Variants in MYO1G observed in about 807,000 individuals in gnomAD.
MYO1G encodes myosin IG, also known as unconventional myosin-Ig.
Under a neutral mutation model 115.3 loss-of-function variants are expected in MYO1G, and 65 were observed. The ratio of observed to expected loss-of-function variants is 0.56; its 90% CI spans 0.46 to 0.69. MYO1G has a LOEUF of 0.69. Among genes scored for constraint, MYO1G ranks in the 30% least tolerant of loss-of-function variants. The pLI is 0.00. For synonymous variants in MYO1G, 510 were observed against 552.6 expected (o/e 0.92, Z 1.08); for missense variants, 1,204 against 1,393.5 (o/e 0.86, Z 2.16).
chr7:44,976,779 G>A, intron 2 of MYO1G, 84 bp downstream of exon 2: 2 of 1,578,636 alleles, frequency 1.3e-6, no homozygotes, highest in Admixed American at 1.7e-5. Context: ...CAGGACACAG[G>A]GCACAGGAGA....
chr7:44,975,826 G>A (rs1583796443), intron 3 of MYO1G, among the ~76,000 whole-genome samples, 177 bp from the exon 4 acceptor site: 2 of 152,172 alleles, frequency 1.3e-5, no homozygotes, highest in Non-Finnish European at 2.9e-5. Context: ...GTTGTGTGAC[G>A]GTCACTTCAC....
chr7:44,975,684 G>C (rs1234136855), intron 3 of MYO1G, 35 bp from the exon 4 acceptor site: 2 of 1,546,386 alleles, frequency 1.3e-6, no homozygotes, highest in Non-Finnish European at 1.8e-6. Flanking sequence ...TTAAGGCAAA[G>C]ACTTCCCATC....
intron 5 of MYO1G, chr7:44,973,173 G>A (rs1794990237): frequency 6.6e-6 from 1 of 151,830 alleles, no homozygotes; most frequent in African/African-American, 2.4e-5. Flanking sequence ...CTCAGAGTCT[G>A]CGTGGACACT....
chr7:44,970,185 G>C, intron 9 of MYO1G, 31 bp from the exon 10 acceptor site: 1 of 1,471,658 alleles, frequency 6.8e-7, no homozygotes, highest in Non-Finnish European at 9.5e-7. Flanking sequence ...TCAGAGGGGA[G>C]GTCGCTGCTT....
rs1442222402 is a variant in MYO1G at position 44,965,717 on chromosome 7, G to C, written c.2301C>G (p.Leu767=). The C allele has an allele frequency of 3.1e-6, 5 of 1,612,214 alleles. No individual in the cohort carries two copies. The highest frequency in any genetic ancestry group is 4.2e-6 in the Non-Finnish European group (5 of 1,179,892). Reference sequence around the variant, plus strand: ...GCGGCCACACAAGGTCACGCCCGTAGAGTGGCGGCTGCCTTGCAGCCTGGA... The same window carrying C: ...GCGGCCACACAAGGTCACGCCCGTACAGTGGCGGCTGCCTTGCAGCCTGGA... ...RRFQAARQPP[L]YGRDLVWPLP... The change falls in exon 17 of 22, where the codon CTC becomes CTG. Residue 767 remains leucine, a synonymous_variant. Transcript: ENST00000258787.
rs1282144264 is a variant in MYO1G at position 44,971,730 on chromosome 7, G to A, written c.789C>T (p.Gly263=). 6.4e-7 allele frequency: 1 copy of A among 1,556,520 alleles called. No homozygotes were observed. The highest frequency in any genetic ancestry group is 1.9e-5 in the Admixed American group (1 of 51,544). The change falls in exon 7 of 22, where the codon GGC becomes GGT. Residue 263 remains glycine, a synonymous_variant. Transcript: ENST00000258787. ...CAGACTCCACCTCTTCAGGACTGAA[G>A]CCGATGACCCTCATGGCCTCGGTCA... is the stretch of plus-strand genomic sequence containing the variant. ...QAVTEAMRVI[G]FSPEEVESVH...
chr7:44,968,323 C>A (rs1235113622), intron 12 of MYO1G, among the ~76,000 whole-genome samples: 2 of 152,114 alleles, frequency 1.3e-5, no homozygotes, highest in Non-Finnish European at 2.9e-5. Flanking sequence ...CAGAACAGTG[C>A]CTACTGAATT....
rs780309950 is a variant in MYO1G, at chr7:44,976,999, G to T, written c.168C>A (p.Pro56=). Residue 56 remains proline, a synonymous_variant, in exon 2 of 22, where the codon CCC becomes CCA. Transcript: ENST00000258787. ...TGGCGATGGCCTCAGGCCCATACAGGGGCAGCTCCTGGTAGGGGTTCACGG... is the reference window on the plus strand; with the variant it reads ...TGGCGATGGCCTCAGGCCCATACAGTGGCAGCTCCTGGTAGGGGTTCACGG... ...LVSVNPYQEL[P]LYGPEAIARY... is the part of the protein sequence containing the mutation. 1.2e-6 allele frequency: 2 copies of T among 1,613,594 alleles called. No homozygotes were observed. Among genetic ancestry groups the T allele is most frequent in the Admixed American group, 3.3e-5 (2 of 60,014 alleles).
rs1794870470 is a variant in MYO1G at position 44,967,629 on chromosome 7, G to C, written c.1758C>G (p.Ala586=). Residue 586 remains alanine (A), a synonymous_variant, in exon 14 of 22, where the codon GCC becomes GCG. Coordinates refer to ENST00000258787, the MANE Select transcript of MYO1G (RefSeq NM_033054.3). ...AGTLFKNSMV[A]LVENLASKEP... is the part of the protein sequence containing the mutation. ...CCTTGGAGGCAAGGTTCTCCACCAG[G>C]GCCACCATGGAGTTCTTGAAGAGTG... 1 of 1,613,860 alleles carries C rather than the reference G, an allele frequency of 6.2e-7. No homozygotes were observed. Among genetic ancestry groups the C allele is most frequent in the Non-Finnish European group, 8.5e-7 (1 of 1,180,022 alleles).
chr7:44,968,936 A>G (rs1242778683), intron 12 of MYO1G: 1 of 169,736 alleles, frequency 5.9e-6, no homozygotes, highest in African/African-American at 2.4e-5. Flanking sequence ...TCGTTTTGGG[A>G]TGCGGCAAGC....
At position 44,969,489 on chromosome 7, in the gene MYO1G, G is replaced by C; in HGVS notation, c.1504-6C>G. The C allele has an allele frequency of 6.2e-7, 1 of 1,613,796 alleles. No homozygotes were observed. Among genetic ancestry groups the C allele is most frequent in the Non-Finnish European group, 8.5e-7 (1 of 1,179,976 alleles). Reference sequence around the variant, plus strand: ...GTCTTGTCTGTGGGGCAGAGCTATGGGGACAGGCTGAGGTCAAGGCACAAA... The same window carrying C: ...GTCTTGTCTGTGGGGCAGAGCTATGCGGACAGGCTGAGGTCAAGGCACAAA... On this transcript the variant is annotated splice_region_variant and splice_polypyrimidine_tract_variant and intron_variant, in intron 11 of 21. Coordinates refer to ENST00000258787, the MANE Select transcript of MYO1G (RefSeq NM_033054.3). The surrounding 1 kb of genome is among the most constrained non-coding windows in gnomAD (Gnocchi z 5.0).
At position 44,967,589 on chromosome 7, in the gene MYO1G, GA is replaced by G. The variant is rs1484690545; in HGVS notation, c.1782+15del. 2.5e-6 allele frequency: 4 copies of G among 1,613,550 alleles called. No homozygotes were observed. The highest frequency in any genetic ancestry group is 3.4e-6 in the Non-Finnish European group (4 of 1,179,940). Reference sequence around the variant, plus strand: ...AGGATCCGGAACAGCCAGAGTGGGAGAGGGGTGGAACATACCTTGGAGGCAA... The same window carrying G: ...AGGATCCGGAACAGCCAGAGTGGGAGGGGGTGGAACATACCTTGGAGGCAA... On this transcript the variant is annotated intron_variant, in intron 14 of 21. Transcript: ENST00000258787.
chr7:44,976,649 C>G lies in MYO1G; in HGVS notation c.313G>C (p.Gly105Arg). The change falls in exon 3 of 22, where the codon GGG (glycine) becomes CGG (arginine). Residue 105 changes from glycine (G) to arginine (R), a missense_variant. Coordinates refer to ENST00000258787, the MANE Select transcript of MYO1G (RefSeq NM_033054.3). ...DTCIVISGESGAGKTEASKHI... is the reference protein window; with the variant it reads ...DTCIVISGESRAGKTEASKHI... ...TTACTGGCTTCTGTCTTCCCTGCCC[C>G]ACTCTCCCCTGCCGGAAAGACCAGA... The G allele has an allele frequency of 6.2e-7, 1 of 1,614,072 alleles. No individual in the cohort carries two copies. The highest frequency in any genetic ancestry group is 8.5e-7 in the Non-Finnish European group (1 of 1,180,016).
intron 14 of MYO1G, among the ~76,000 whole-genome samples, chr7:44,967,387 C>T (rs1000654347): frequency 1.3e-5 from 2 of 152,182 alleles, no homozygotes; most frequent in African/African-American, 2.4e-5. Context: ...GCCTGGGTTC[C>T]CCATGATTGA....
At position 44,971,014 on chromosome 7, in the gene MYO1G, C is replaced by T. The variant is rs1481483839; in HGVS notation, c.892G>A (p.Glu298Lys). ...GCCTCCTCGGCCACTGCCAGGCCCT[C>T]CTTCTGCAGCCCACCCTCCTCCGTC... is the stretch of plus-strand genomic sequence containing the variant. The part of the protein sequence containing the change: ...VETEEGGLQK[E>K]GLAVAEEALV... The change falls in exon 8 of 22, where the codon GAG (glutamate) becomes AAG (lysine). Residue 298 changes from glutamate to lysine, a missense_variant. Glu to Lys is a moderately conservative substitution (Grantham distance 56). Transcript: ENST00000258787. 6.2e-7 allele frequency: 1 copy of T among 1,613,248 alleles called. No homozygotes were observed. The highest frequency in any genetic ancestry group is 8.5e-7 in the Non-Finnish European group (1 of 1,179,934).
At chr7:44,967,141 G>A (rs561658483) in intron 14 of MYO1G, among the ~76,000 whole-genome samples, 8 of 152,200 alleles carry the variant, frequency 5.3e-5, no homozygotes, top group Non-Finnish European at 1.0e-4. Context: ...TGACATCTCT[G>A]GATGTTCTGT....
chr7:44,964,787 T>G lies in MYO1G; in HGVS notation c.2526+158A>C, dbSNP rs1041157686. The stretch of plus-strand genomic sequence containing the variant: ...TGCTCCTGAAGCCCAGGATGAGACC[T>G]TGCAGAGCTCTGGTGGGGGCTGAGG... On this transcript the variant is annotated intron_variant, in intron 18 of 21. Transcript: ENST00000258787. The surrounding 1 kb of genome is among the most constrained non-coding windows in gnomAD (Gnocchi z 5.1). 1.3e-5 allele frequency among the ~76,000 whole-genome samples: 2 copies of G among 152,130 alleles called. No individual in the cohort carries two copies. The highest frequency in any genetic ancestry group is 2.9e-5 in the Non-Finnish European group (2 of 68,010).
Position 44,974,992 on chromosome 7 carries a change from TGTGGGGTGTGGGGTACTG to T in MYO1G, c.618+164_618+181del. The T allele has an allele frequency of 4.4e-6, 3 of 688,576 alleles. No individual in the cohort carries two copies. The South Asian group carries it at 4.8e-5, about 11-fold the overall frequency. The allele number at this position is 688,576 out of a possible 1,614,324, so 42.7% of individuals were successfully genotyped here. On this transcript the variant is annotated intron_variant, in intron 5 of 21. Coordinates refer to ENST00000258787, the MANE Select transcript of MYO1G (RefSeq NM_033054.3). The stretch of plus-strand genomic sequence containing the variant: ...TCCCTGCAAGTCACACCCTCTTGTT[TGTGGGGTGTGGGGTACTG>T]GTTGGGGTGAGTGTGGTGGGGAGTG...
chr7:44,963,482 C>A lies in MYO1G; in HGVS notation c.2746-358G>T. ...TTTCACTGCATTTAAACAACCACGC[C>A]GGCTTTGGGCTGTGGCATTACACAG... On this transcript the variant is annotated intron_variant, in intron 20 of 21. Coordinates refer to ENST00000258787, the MANE Select transcript of MYO1G (RefSeq NM_033054.3). The surrounding 1 kb of genome is among the most constrained non-coding windows in gnomAD (Gnocchi z 4.1). 2.2e-5 allele frequency: 6 copies of A among 269,966 alleles called. No individual in the cohort carries two copies. The highest frequency in any genetic ancestry group is 4.2e-5 in the Non-Finnish European group (6 of 143,884). The allele number at this position is 269,966 out of a possible 1,614,324, so 16.7% of individuals were successfully genotyped here. A position where few individuals can be genotyped will look rare whatever the true frequency, so the allele number is the denominator to read the frequency against.
Sources: allele counts gnomAD v4.1 joint callset (sites outside exome capture counted in the v4.1 genomes callset), GRCh38; gene constraint gnomAD v4.1.1; non-coding constraint Gnocchi (gnomAD v3.1); transcripts MANE v1.5; gene names NCBI Gene and HGNC (gene_info 2026-07-23, HGNC 2026-07-21).